Variants in ITCH observed in about 807,000 individuals in gnomAD.
The protein encoded by ITCH is itchy E3 ubiquitin protein ligase.
Under a neutral mutation model 126.8 loss-of-function variants are expected in ITCH, and 28 were observed. The ratio of observed to expected loss-of-function variants is 0.22; its 90% confidence interval spans 0.16 to 0.30. The LOEUF (loss-of-function observed/expected upper bound fraction) is 0.30. Among genes scored for constraint, ITCH ranks in the 10% least tolerant of loss-of-function variants. ITCH has a pLI of 1.00. For synonymous variants in ITCH, 342 were observed against 340.0 expected, an observed-to-expected ratio of 1.01 and a Z score of -0.06; for missense variants, 631 against 1,032.4, an observed-to-expected ratio of 0.61 and a Z score of 5.33.
Position 34,489,331 on chromosome 20 carries a change from T to A in ITCH, c.2159T>A (p.Phe720Tyr). The A allele has an allele frequency of 6.2e-7, 1 of 1,613,304 alleles. No homozygotes were observed. Among genetic ancestry groups the A allele is most frequent in the Non-Finnish European group, 8.5e-7 (1 of 1,179,340 alleles). The change falls in exon 21 of 25, where the codon TTT (phenylalanine) becomes TAT (tyrosine). Residue 720 changes from phenylalanine to tyrosine, a missense_variant. By Grantham distance (22) the Phe-to-Tyr change is conservative (BLOSUM62 3). Transcript: ENST00000374864. ...CAGACACAAGCTTTCTTTGAAGGCT[T>A]TAATGAAATTCTTCCCCAGCAATAT... ...EEQTQAFFEG[F>Y]NEILPQQYLQ...
In ITCH at chr20:34,479,724, C is replaced by G. The variant is rs1303782556; in HGVS notation, c.1753C>G (p.Pro585Ala). Residue 585 changes from proline (P) to alanine (A), a missense_variant, in exon 18 of 25, where the codon CCC (proline) becomes GCC (alanine). Physicochemically the swap from Pro to Ala is conservative, Grantham distance 27 (BLOSUM62 -1). Transcript: ENST00000374864. ...GGATAACTACTGCTTGCAGATAAAC[C>G]CCGCTTCTTACATCAATCCAGATCA... ...GKDNYCLQIN[P>A]ASYINPDHLK... 3 of 1,613,804 alleles carry G rather than the reference C, an allele frequency of 1.9e-6. No homozygotes were observed. The highest frequency in any genetic ancestry group is 2.5e-6 in the Non-Finnish European group (3 of 1,179,956).
chr20:34,469,219 A>C (rs915702339), intron 14 of ITCH, among the ~76,000 whole-genome samples: 1 of 119,480 alleles, frequency 8.4e-6, no homozygotes, highest in Non-Finnish European at 1.9e-5. Flanking sequence ...AGGGCAAATT[A>C]TAAACACACA....
chr20:34,381,307 G>T (rs2038052956), intron 2 of ITCH, among the ~76,000 whole-genome samples: 1 of 151,986 alleles, frequency 6.6e-6, no homozygotes, highest in Admixed American at 6.6e-5. Flanking sequence ...TTTTGAGATG[G>T]AGTCTTGTTC....
At chr20:34,455,509 G>T (rs1416789202) in intron 12 of ITCH, among the ~76,000 whole-genome samples, 2 of 147,566 alleles carry the variant, frequency 1.4e-5, no homozygotes, top group South Asian at 2.1e-4. Context: ...GTCTTGCTCT[G>T]TCGCCAGGCT....
intron 23 of ITCH, among the ~76,000 whole-genome samples, chr20:34,495,852 A>C (rs1989841572): frequency 6.8e-6 from 1 of 146,286 alleles, no homozygotes; most frequent in African/African-American, 2.5e-5. Context: ...AGATGGGTGG[A>C]TCTCTTAAGG....
At chr20:34,391,888 T>C (rs2038502150) in intron 2 of ITCH, among the ~76,000 whole-genome samples, 1 of 152,140 alleles carries the variant, frequency 6.6e-6, no homozygotes, top group Admixed American at 6.6e-5. Context: ...TTTTGCAACT[T>C]TGTAATTAAT....
chr20:34,423,361 A>G (rs1981052067), intron 6 of ITCH, among the ~76,000 whole-genome samples: 2 of 152,308 alleles, frequency 1.3e-5, no homozygotes, highest in East Asian at 3.9e-4. Context: ...TAAGTATGGT[A>G]TAGTATAGTG....
intron 23 of ITCH, among the ~76,000 whole-genome samples, chr20:34,495,735 T>A (rs1328562669): frequency 6.6e-6 from 1 of 152,074 alleles, no homozygotes; most frequent in Admixed American, 6.6e-5. Flanking sequence ...TGAATGGTGC[T>A]GCAGTAGACA....
At chr20:34,481,352 C>T (rs112462964) in intron 20 of ITCH, 146 bp downstream of exon 20, 1 of 913,748 alleles carries the variant, frequency 1.1e-6, no homozygotes, top group Non-Finnish European at 1.6e-6. Flanking sequence ...TTTTTCATTT[C>T]TAAAAAGTTT....
intron 3 of ITCH, chr20:34,401,744 T>TC: frequency 1.8e-6 from 1 of 544,170 alleles, no homozygotes; most frequent in Non-Finnish European, 2.3e-6. Flanking sequence ...AAAACAAACC[T>TC]CCCCCCTAAA....
intron 2 of ITCH, among the ~76,000 whole-genome samples, chr20:34,374,652 A>G (rs1384384341): frequency 2.0e-5 from 3 of 152,186 alleles, no homozygotes; most frequent in African/African-American, 7.2e-5. Context: ...AAGTAATGAC[A>G]GATCAGACTG....
intron 3 of ITCH, among the ~76,000 whole-genome samples, chr20:34,399,775 A>C (rs1008316018): frequency 6.6e-6 from 1 of 152,044 alleles, no homozygotes; most frequent in African/African-American, 2.4e-5. Flanking sequence ...TGGGAGACAG[A>C]GGTTGCAGTA....
chr20:34,382,984 C>A lies in ITCH; in HGVS notation c.-21-10807C>A, dbSNP rs7265794. Among the ~76,000 whole-genome samples, 285 of 151,956 alleles carry A rather than the reference C, an allele frequency of 1.9e-3. 1 individual carries two copies. Among genetic ancestry groups the A allele is most frequent in the African/African-American group, 6.0e-3 (248 of 41,424 alleles). ...GTCTCAAACTCCTGACCTTGTGATC[C>A]GCCTGCCTCGGCCTCCCAAAATGCT... On this transcript the variant is annotated intron_variant, in intron 2 of 24. Transcript: ENST00000374864.
intron 3 of ITCH, among the ~76,000 whole-genome samples, chr20:34,400,709 G>A (rs1159367781): frequency 3.4e-5 from 5 of 145,732 alleles, no homozygotes; most frequent in African/African-American, 1.0e-4. Context: ...GCAGTGGCGC[G>A]ATCTCAGTTG....
At chr20:34,463,532 A>G (rs895903731) in intron 14 of ITCH, among the ~76,000 whole-genome samples, 3 of 152,014 alleles carry the variant, frequency 2.0e-5, no homozygotes, top group Non-Finnish European at 4.4e-5. Context: ...ACTGTTTTTC[A>G]GTGTCTGTGC....
At chr20:34,459,906 TC>T (rs1986352676) in intron 13 of ITCH, among the ~76,000 whole-genome samples, 1 of 152,238 alleles carries the variant, frequency 6.6e-6, no homozygotes, top group African/African-American at 2.4e-5. Flanking sequence ...AACATTTTCT[TC>T]CTCTTTAGAA....
chr20:34,436,597 T>C (rs1342172525), intron 7 of ITCH, among the ~76,000 whole-genome samples: 1 of 152,232 alleles, frequency 6.6e-6, no homozygotes, highest in Admixed American at 6.5e-5. Flanking sequence ...GTGTTCCCTC[T>C]ATTATAAGCA....
intron 12 of ITCH, among the ~76,000 whole-genome samples, chr20:34,451,920 A>G (rs1186980020): frequency 6.6e-6 from 1 of 151,894 alleles, no homozygotes; most frequent in Non-Finnish European, 1.5e-5. Flanking sequence ...AATACAAAAA[A>G]TAATCTGGGT....
chr20:34,480,553 A>G (rs1414005699), intron 18 of ITCH, 46 bp from the exon 19 acceptor site: 1 of 1,598,452 alleles, frequency 6.3e-7, no homozygotes, highest in East Asian at 2.2e-5. Context: ...AAATAAAATG[A>G]TTATTGTACA....
Sources: gnomAD v4.1 joint callset for allele counts (sites outside exome capture counted in the v4.1 genomes callset) on GRCh38, gnomAD v4.1.1 for gene constraint, MANE v1.5 for transcripts, NCBI Gene and HGNC (gene_info 2026-07-23, HGNC 2026-07-21) for gene names.